PBX1: variants seen among roughly 807,000 people sequenced by gnomAD.
PBX1 encodes the protein PBX homeobox 1.
A neutral mutation model predicts 53.4 loss-of-function variants in PBX1; 6 were observed. The ratio of observed to expected loss-of-function variants is 0.11; its 90% CI spans 0.06 to 0.22. The LOEUF (loss-of-function observed/expected upper bound fraction) is 0.22, where lower values mean the gene tolerates loss of function less well. Ranked by LOEUF, PBX1 falls within the 10% of genes least tolerant of loss-of-function variation. The pLI is 1.00. For synonymous variants in PBX1, 204 were observed against 212.3 expected (o/e 0.96, Z 0.34); for missense variants, 251 against 551.4 (o/e 0.46, Z 5.46).
intron 2 of PBX1, among the ~76,000 whole-genome samples, chr1:164,717,628 CCT>C (rs1372255849): frequency 6.6e-6 from 1 of 152,078 alleles, no homozygotes; most frequent in African/African-American, 2.4e-5. Context: ...CAGACACACC[CCT>C]GACACATCCT....
chr1:164,805,760 A>G (rs1245479602), intron 4 of PBX1, among the ~76,000 whole-genome samples: 1 of 152,186 alleles, frequency 6.6e-6, no homozygotes, highest in Non-Finnish European at 1.5e-5. Context: ...AGAGCTTTTA[A>G]CACATGCCCA....
chr1:164,765,246 A>C (rs1475652922), intron 2 of PBX1, among the ~76,000 whole-genome samples: 1 of 152,226 alleles, frequency 6.6e-6, no homozygotes, highest in East Asian at 1.9e-4. Flanking sequence ...AGCAAGAGTC[A>C]GTGTTATCTT....
At chr1:164,761,664 C>T (rs978911756) in intron 2 of PBX1, among the ~76,000 whole-genome samples, 3 of 152,084 alleles carry the variant, frequency 2.0e-5, no homozygotes, top group Non-Finnish European at 2.9e-5. Flanking sequence ...AGGATGGTCT[C>T]GATCTCCTGA....
intron 2 of PBX1, among the ~76,000 whole-genome samples, chr1:164,735,305 A>G (rs1024183721): frequency 6.6e-6 from 1 of 152,246 alleles, no homozygotes; most frequent in African/African-American, 2.4e-5. Flanking sequence ...TATATGTATT[A>G]TGCGTCTATA....
chr1:164,720,059 A>G (rs1442409478), intron 2 of PBX1, among the ~76,000 whole-genome samples: 1 of 152,166 alleles, frequency 6.6e-6, no homozygotes, highest in East Asian at 1.9e-4. Context: ...TTTTATGACA[A>G]TTGATTCTGA....
chr1:164,845,510 A>G (rs1671527141), intron 8 of PBX1, among the ~76,000 whole-genome samples: 1 of 152,210 alleles, frequency 6.6e-6, no homozygotes, highest in Non-Finnish European at 1.5e-5. Flanking sequence ...AAAGGAACAC[A>G]GTAATCGAAG....
chr1:164,846,080 A>G (rs555913873), intron 8 of PBX1, among the ~76,000 whole-genome samples: 7 of 152,222 alleles, frequency 4.6e-5, no homozygotes, highest in Non-Finnish European at 1.0e-4. Flanking sequence ...ATGAGCATCT[A>G]GTATAGAACC....
chr1:164,611,362 C>G (rs1557890090), intron 2 of PBX1, among the ~76,000 whole-genome samples: 1 of 152,114 alleles, frequency 6.6e-6, no homozygotes, highest in Admixed American at 6.5e-5. Context: ...CTCAGCCTCC[C>G]GAGTAGCTGG....
intron 2 of PBX1, among the ~76,000 whole-genome samples, chr1:164,597,416 A>G (rs919496926): frequency 6.6e-6 from 1 of 152,184 alleles, no homozygotes; most frequent in Non-Finnish European, 1.5e-5. Context: ...ACATAGTTCT[A>G]TGACGACGTG....
intron 2 of PBX1, among the ~76,000 whole-genome samples, chr1:164,878,278 C>A (rs898401575): frequency 1.5e-4 from 23 of 152,108 alleles, no homozygotes; most frequent in Admixed American, 6.5e-5. Context: ...TATAGGTAAA[C>A]TGCATAGCAC....
intron 2 of PBX1, among the ~76,000 whole-genome samples, chr1:164,752,604 AG>A (rs1370462154): frequency 6.6e-6 from 1 of 152,214 alleles, no homozygotes; most frequent in Non-Finnish European, 1.5e-5. Flanking sequence ...TTGGTGTATT[AG>A]GGGAATAAAG....
chr1:164,882,177 C>G (rs1157790514), intron 2 of PBX1, among the ~76,000 whole-genome samples: 1 of 151,420 alleles, frequency 6.6e-6, no homozygotes. Context: ...TTCTCAAAAT[C>G]ACACAGATGA....
intron 2 of PBX1, among the ~76,000 whole-genome samples, chr1:164,868,718 G>A (rs1672279576): frequency 6.6e-6 from 1 of 152,084 alleles, no homozygotes; most frequent in South Asian, 2.1e-4. Flanking sequence ...GGAAGATCTG[G>A]GCTTGTCCAC....
chr1:164,808,575 G>A (rs1184549573), intron 5 of PBX1, among the ~76,000 whole-genome samples: 2 of 152,142 alleles, frequency 1.3e-5, no homozygotes, highest in Non-Finnish European at 1.5e-5. Context: ...CTACTGTAGC[G>A]AGAAATTTCA....
chr1:164,575,152 T>G (rs1654130588), intron 2 of PBX1, among the ~76,000 whole-genome samples: 1 of 152,222 alleles, frequency 6.6e-6, no homozygotes, highest in African/African-American at 2.4e-5. Flanking sequence ...GATTTCTGAT[T>G]GCAGTATTGC....
At chr1:164,614,774 T>C (rs1657156010) in intron 2 of PBX1, among the ~76,000 whole-genome samples, 1 of 152,124 alleles carries the variant, frequency 6.6e-6, no homozygotes, top group Admixed American at 6.6e-5. Context: ...TCAGTTGAAT[T>C]CTTTTTTTCT....
At chr1:164,705,135 C>T (rs530712412) in intron 2 of PBX1, among the ~76,000 whole-genome samples, 18 of 152,284 alleles carry the variant, frequency 1.2e-4, no homozygotes, top group Admixed American at 9.8e-4. Flanking sequence ...TAGCTGCATT[C>T]CTGGCTTCCA....
downstream of PBX1, among the ~76,000 whole-genome samples, chr1:164,855,851 A>G (rs1671965401): frequency 6.6e-6 from 1 of 152,222 alleles, no homozygotes. Context: ...TTTCTCTGAG[A>G]ATGACCTTTG....
At chr1:164,595,526 A>G (rs1489397725) in intron 2 of PBX1, among the ~76,000 whole-genome samples, 1 of 151,674 alleles carries the variant, frequency 6.6e-6, no homozygotes, top group African/African-American at 2.4e-5. Context: ...TTAAAGGAGA[A>G]GAGGAGCCAT....
Sources: allele counts gnomAD v4.1 joint callset (sites outside exome capture counted in the v4.1 genomes callset), GRCh38; gene constraint gnomAD v4.1.1; transcripts MANE v1.5; gene names NCBI Gene and HGNC (gene_info 2026-07-23, HGNC 2026-07-21).